DMXL1: variants seen among roughly 807,000 people sequenced by gnomAD.
DMXL1 encodes dmX-like protein 1.
DMXL1 carries 99 observed loss-of-function variants against 319.2 expected under a neutral mutation model. The ratio of observed to expected loss-of-function variants is 0.31; its 90% CI spans 0.26 to 0.37. The LOEUF (loss-of-function observed/expected upper bound fraction) is 0.37. DMXL1 is among the 10% of genes least tolerant of loss of function. The pLI is 1.00. For missense variants in DMXL1, 3,745 were observed against 3,595.6 expected (o/e 1.04, Z -1.06); for synonymous variants, 1,385 against 1,235.2 (o/e 1.12, Z -2.54).
chr5:119,144,464 T>A, intron 14 of DMXL1, 72 bp from the exon 15 acceptor site: 6 of 1,100,510 alleles, frequency 5.5e-6, no homozygotes, highest in Non-Finnish European at 6.7e-6. Flanking sequence ...TATGAAGTAT[T>A]ATTTTTCTGG....
At chr5:119,238,313 G>C (rs1788126493) in intron 40 of DMXL1, among the ~76,000 whole-genome samples, 1 of 151,964 alleles carries the variant, frequency 6.6e-6, no homozygotes, top group African/African-American at 2.4e-5. Context: ...TTGGTGTGGT[G>C]ATTTTGGGAT....
At chr5:119,211,141 A>G (rs1264750400) in intron 34 of DMXL1, among the ~76,000 whole-genome samples, 1 of 151,144 alleles carries the variant, frequency 6.6e-6, no homozygotes, top group East Asian at 1.9e-4. Context: ...GTGATGTGTT[A>G]TCCTTTTTAT....
At position 119,232,286 on chromosome 5, in the gene DMXL1, A is replaced by C. The variant is rs542247512; in HGVS notation, c.8339-1054A>C. The stretch of plus-strand genomic sequence containing the variant: ...CCAGTCAAATACCTAGTCTCAAAAA[A>C]CTCTACCTCCTACCGCTGCCCAATG... On this transcript the variant is annotated intron_variant, in intron 38 of 43. Coordinates refer to ENST00000539542, the MANE Select transcript of DMXL1 (RefSeq NM_001290321.3). Among the ~76,000 whole-genome samples, 14 of 152,060 alleles carry C rather than the reference A, an allele frequency of 9.2e-5. No individual in the cohort carries two copies. In the East Asian group the frequency reaches 1.4e-3, roughly 15 times the overall value.
intron 32 of DMXL1, among the ~76,000 whole-genome samples, chr5:119,202,325 C>G (rs947021610): frequency 3.9e-5 from 6 of 152,080 alleles, no homozygotes; most frequent in African/African-American, 1.4e-4. Flanking sequence ...ATGGCCATCC[C>G]CACAGGTGAA....
intron 1 of DMXL1, among the ~76,000 whole-genome samples, chr5:119,089,598 T>C (rs921482970): frequency 1.4e-5 from 2 of 148,118 alleles, no homozygotes; most frequent in Non-Finnish European, 3.0e-5. Flanking sequence ...ATCAGTCTTG[T>C]GCACAGCGAC....
chr5:119,153,076 A>C (rs1332178996), intron 19 of DMXL1, among the ~76,000 whole-genome samples: 1 of 151,882 alleles, frequency 6.6e-6, no homozygotes, highest in Non-Finnish European at 1.5e-5. Context: ...TCCTGGGTTC[A>C]ACTGATTCTC....
intron 33 of DMXL1, among the ~76,000 whole-genome samples, chr5:119,205,848 T>C (rs1227776210): frequency 6.6e-6 from 1 of 152,122 alleles, no homozygotes; most frequent in African/African-American, 2.4e-5. Context: ...CATCTCTTAT[T>C]TTTCTAAAAT....
In DMXL1 at chr5:119,147,279, C is replaced by T. The variant is rs367730994; in HGVS notation, c.2720C>T (p.Ala907Val). The change falls in exon 17 of 44, where the codon GCG becomes GTG. Residue 907 changes from alanine (A) to valine (V), a missense_variant. Ala to Val is a moderately conservative substitution (Grantham distance 64, BLOSUM62 0). This residue lies in a region of DMXL1 where 2,096 missense variants were observed against 1,985.4 expected (regional missense o/e 1.06). Transcript: ENST00000539542. ...DEKVDTKLSE[A>V]VWQPEEHYSS... The stretch of plus-strand genomic sequence containing the variant: ...AAAGTAGATACAAAATTATCCGAAG[C>T]GGTTTGGCAGCCAGAAGAACATTAT... The T allele has an allele frequency of 2.7e-5, 44 of 1,613,048 alleles. No homozygotes were observed. The South Asian group carries it at 3.6e-4, about 13-fold the overall frequency.
At chr5:119,115,907 TACTCTAGTAATTAG>T (rs1265875921) in intron 6 of DMXL1, among the ~76,000 whole-genome samples, 1 of 152,184 alleles carries the variant, frequency 6.6e-6, no homozygotes, top group Non-Finnish European at 1.5e-5. Context: ...CCATTCCCCT[TACTCTAGTAATTAG>T]CAAGCATTTT....
chr5:119,229,892 A>G (rs187669542), intron 38 of DMXL1, among the ~76,000 whole-genome samples: 1 of 152,310 alleles, frequency 6.6e-6, no homozygotes, highest in East Asian at 1.9e-4. Context: ...GTCACAGGAC[A>G]CCTTTACTAA....
In DMXL1 at chr5:119,149,046, C is replaced by T; in HGVS notation, c.3219C>T (p.Asp1073=). ...CATCTAATAGTAGATCTTCCCAGGA[C>T]TTTGTGATGCATGTAAGTATTTTTG... The part of the protein sequence containing the change: ...QPASNSRSSQ[D]FVMHVSIFEC... Residue 1073 remains aspartate (D), a synonymous_variant, in exon 18 of 44, where the codon GAC becomes GAT. Transcript: ENST00000539542. 1 of 1,613,886 alleles carries T rather than the reference C, an allele frequency of 6.2e-7. No homozygotes were observed. Among genetic ancestry groups the T allele is most frequent in the Non-Finnish European group, 8.5e-7 (1 of 1,179,870 alleles).
intron 15 of DMXL1, among the ~76,000 whole-genome samples, chr5:119,145,447 G>A (rs183237780): frequency 6.6e-6 from 1 of 151,708 alleles, no homozygotes; most frequent in East Asian, 1.9e-4. Flanking sequence ...TACACTTTAT[G>A]TGTTTTTTAA....
chr5:119,135,762 G>T (rs764945974), intron 13 of DMXL1, among the ~76,000 whole-genome samples: 10 of 152,174 alleles, frequency 6.6e-5, no homozygotes, highest in Non-Finnish European at 1.3e-4. Context: ...TTTGCCTTCT[G>T]CCATGATTGT....
chr5:119,195,056 G>A (rs920157718), intron 30 of DMXL1, among the ~76,000 whole-genome samples: 3 of 151,402 alleles, frequency 2.0e-5, no homozygotes, highest in Non-Finnish European at 2.9e-5. Flanking sequence ...GCATTAGGAT[G>A]GCTACCAAAA....
At position 119,220,458 on chromosome 5, in the gene DMXL1, G is replaced by C. The variant is rs1456461695; in HGVS notation, c.8014-14G>C. 13 of 1,610,574 alleles carry C rather than the reference G, an allele frequency of 8.1e-6. No homozygotes were observed. Among genetic ancestry groups the C allele is most frequent in the Non-Finnish European group, 1.0e-5 (12 of 1,178,846 alleles). The stretch of plus-strand genomic sequence containing the variant: ...CCTATTGCTTTTAAAATTACCATTT[G>C]ACTTATTTTTCAGGCAAATAGAAAC... On this transcript the variant is annotated splice_polypyrimidine_tract_variant and intron_variant, in intron 35 of 43. Coordinates refer to ENST00000539542, the MANE Select transcript of DMXL1 (RefSeq NM_001290321.3).
chr5:119,078,780 A>G (rs1168072153), intron 1 of DMXL1, among the ~76,000 whole-genome samples: 7 of 152,200 alleles, frequency 4.6e-5, no homozygotes. Context: ...AGGAGTTCCT[A>G]TCATGCCTGT....
At chr5:119,138,248 G>T (rs1766483258) in intron 13 of DMXL1, among the ~76,000 whole-genome samples, 1 of 152,130 alleles carries the variant, frequency 6.6e-6, no homozygotes, top group African/African-American at 2.4e-5. Context: ...TGCGGTATGT[G>T]TGAGAAAAAA....
intron 1 of DMXL1, among the ~76,000 whole-genome samples, chr5:119,084,110 G>A (rs1030511873): frequency 5.9e-5 from 9 of 151,618 alleles, no homozygotes; most frequent in African/African-American, 2.2e-4. Flanking sequence ...GTCTGTTCAT[G>A]TATTCCCCCC....
intron 19 of DMXL1, among the ~76,000 whole-genome samples, chr5:119,157,809 T>C (rs1390527902): frequency 6.6e-6 from 1 of 152,232 alleles, no homozygotes; most frequent in Non-Finnish European, 1.5e-5. Context: ...TGGTGTTTCT[T>C]GGTATTCCTA....
Sources: gnomAD v4.1 joint callset for allele counts (sites outside exome capture counted in the v4.1 genomes callset) on GRCh38, gnomAD v4.1.1 for gene constraint, gnomAD v4.1.1 regional missense constraint, MANE v1.5 for transcripts, NCBI Gene and HGNC (gene_info 2026-07-23, HGNC 2026-07-21) for gene names.